PLPPR1: variants seen among roughly 807,000 people sequenced by gnomAD.
PLPPR1 encodes the protein phospholipid phosphatase related 1, also known as phospholipid phosphatase-related protein type 1.
PLPPR1 carries 10 observed loss-of-function variants against 33.1 expected under a neutral mutation model. That is an observed-to-expected ratio of 0.30 (90% CI 0.19 to 0.51). The LOEUF is 0.51. Ranked by LOEUF, PLPPR1 falls within the 20% of genes least tolerant of loss-of-function variation. PLPPR1 has a pLI of 0.97. For synonymous variants in PLPPR1, 151 were observed against 151.0 expected (o/e 1.00, Z 0.00); for missense variants, 304 against 408.1 (o/e 0.74, Z 2.20).
At position 101,272,125 on chromosome 9, in the gene PLPPR1, A is replaced by AT. The variant is rs71356342; in HGVS notation, c.252+2059dup. 5.4e-3 allele frequency among the ~76,000 whole-genome samples: 821 copies of AT among 152,318 alleles called. 8 individuals carry two copies. The highest frequency in any genetic ancestry group is 7.8e-3 in the Non-Finnish European group (529 of 68,026). The stretch of plus-strand genomic sequence containing the variant: ...CAATAAATGCTTACATCTCAATAAA[A>AT]TTGAAAACTCTATGAAGATATTTAC... On this transcript the variant is annotated intron_variant, in intron 3 of 7. Transcript: ENST00000374874.
At chr9:101,038,789 A>C (rs889039851) in intron 1 of PLPPR1, among the ~76,000 whole-genome samples, 1 of 152,090 alleles carries the variant, frequency 6.6e-6, no homozygotes, top group East Asian at 1.9e-4. Context: ...GGCTGCAGAG[A>C]TTGCGTGCCC....
intron 2 of PLPPR1, among the ~76,000 whole-genome samples, chr9:101,269,041 C>T (rs969842819): frequency 1.3e-5 from 2 of 152,138 alleles, no homozygotes; most frequent in African/African-American, 4.8e-5. Context: ...CTTTATTCAC[C>T]ATCTTATCTT....
In PLPPR1 at chr9:101,238,351, G is replaced by GTA. The variant is rs1178770788; in HGVS notation, c.64-31517_64-31516dup. ...TATATACCTCTCTATATATAGAGGT[G>GTA]TATATATATATATGGGTATATATAT... On this transcript the variant is annotated intron_variant, in intron 2 of 7. Transcript: ENST00000374874. Among the ~76,000 whole-genome samples the GTA allele has an allele frequency of 3.2e-3, 428 of 135,308 alleles. 4 individuals are homozygous for GTA. The highest frequency in any genetic ancestry group is 0.01 in the African/African-American group (374 of 36,300). The allele number at this position is 135,308 out of a possible 152,430, so 88.8% of individuals were successfully genotyped here.
Position 101,234,538 on chromosome 9 carries a change from A to G in PLPPR1, c.64-35342A>G, listed in dbSNP as rs10989445. Among the ~76,000 whole-genome samples, 491 of 151,604 alleles carry G rather than the reference A, an allele frequency of 3.2e-3. 12 individuals carry two copies. The East Asian group carries it at 0.079, about 25-fold the overall frequency. Reference sequence around the variant, plus strand: ...GGTTTTACCTTCTCTCCAATCTCCAAGTGTATTTTTTTAAAAAAAAAACAA... The same window carrying G: ...GGTTTTACCTTCTCTCCAATCTCCAGGTGTATTTTTTTAAAAAAAAAACAA... On this transcript the variant is annotated intron_variant, in intron 2 of 7. Transcript: ENST00000374874.
At chr9:101,231,004 G>T (rs1347439999) in intron 2 of PLPPR1, among the ~76,000 whole-genome samples, 1 of 151,904 alleles carries the variant, frequency 6.6e-6, no homozygotes, top group Non-Finnish European at 1.5e-5. Context: ...TTGGCAGGAG[G>T]TTGTTATTCC....
At chr9:101,033,188 T>C (rs1359271707) in intron 1 of PLPPR1, among the ~76,000 whole-genome samples, 1 of 152,100 alleles carries the variant, frequency 6.6e-6, no homozygotes, top group Non-Finnish European at 1.5e-5. Context: ...AAAATGCCAT[T>C]AAGAGATGCC....
chr9:101,240,717 T>A (rs1039262698), intron 2 of PLPPR1, among the ~76,000 whole-genome samples: 3 of 152,044 alleles, frequency 2.0e-5, no homozygotes, highest in Non-Finnish European at 4.4e-5. Flanking sequence ...CAGACGAGGA[T>A]TTCCAATAAA....
chr9:101,154,352 G>T (rs1831644313), intron 1 of PLPPR1, among the ~76,000 whole-genome samples: 1 of 152,076 alleles, frequency 6.6e-6, no homozygotes, highest in East Asian at 1.9e-4. Flanking sequence ...GACTTTTTTT[G>T]GTTGGTAGAC....
chr9:101,061,953 AG>A (rs1180553970), intron 1 of PLPPR1, among the ~76,000 whole-genome samples: 1 of 152,044 alleles, frequency 6.6e-6, no homozygotes, highest in Non-Finnish European at 1.5e-5. Context: ...AGGAGAGATA[AG>A]AATTATCATG....
chr9:101,090,929 A>G (rs950810865), intron 1 of PLPPR1, among the ~76,000 whole-genome samples: 7 of 150,332 alleles, frequency 4.7e-5, no homozygotes, highest in Non-Finnish European at 1.0e-4. Context: ...GTTGTGTGCT[A>G]GGTCCCTTCC....
At chr9:101,317,625 T>A in intron 7 of PLPPR1, 129 bp downstream of exon 7, 1 of 939,896 alleles carries the variant, frequency 1.1e-6, no homozygotes, top group Non-Finnish European at 1.5e-6. Context: ...GTAAAGGCCC[T>A]CACAAAAGGC....
At chr9:101,311,768 GCTCAGGCCA>G in intron 5 of PLPPR1, among the ~76,000 whole-genome samples, 1 of 152,188 alleles carries the variant, frequency 6.6e-6, no homozygotes, top group East Asian at 1.9e-4. Flanking sequence ...ACTTATATGT[GCTCAGGCCA>G]TATACACATA....
chr9:101,275,709 C>A (rs539106765), intron 3 of PLPPR1, among the ~76,000 whole-genome samples: 1 of 152,134 alleles, frequency 6.6e-6, no homozygotes, highest in African/African-American at 2.4e-5. Context: ...TTTATCTCAG[C>A]CCCAGCAGCA....
At position 101,264,757 on chromosome 9, in the gene PLPPR1, ATTGT is replaced by A. The variant is rs566834222; in HGVS notation, c.64-5118_64-5115del. Among the ~76,000 whole-genome samples, 408 of 152,226 alleles carry A rather than the reference ATTGT, an allele frequency of 2.7e-3. 2 individuals are homozygous for A. The highest frequency in any genetic ancestry group is 9.4e-3 in the African/African-American group (392 of 41,532). ...TCTCTGGTTTGTCTGTGCTTGGTTCATTGTTTGTGTTTAGTCACCCCAGATTGCT... is the reference window on the plus strand; with the variant it reads ...TCTCTGGTTTGTCTGTGCTTGGTTCATTGTGTTTAGTCACCCCAGATTGCT... On this transcript the variant is annotated intron_variant, in intron 2 of 7. Transcript: ENST00000374874.
chr9:101,170,646 G>T (rs1014732011), intron 1 of PLPPR1, among the ~76,000 whole-genome samples: 1 of 152,184 alleles, frequency 6.6e-6, no homozygotes, highest in African/African-American at 2.4e-5. Flanking sequence ...CACTGAAAAT[G>T]GCATTTAGGC....
intron 1 of PLPPR1, among the ~76,000 whole-genome samples, chr9:101,157,465 A>C (rs1305791883): frequency 1.3e-5 from 2 of 152,196 alleles, no homozygotes; most frequent in African/African-American, 2.4e-5. Flanking sequence ...AAGAGTCATC[A>C]ATCCTGAATA....
chr9:101,136,185 T>C (rs1831375290), intron 1 of PLPPR1, among the ~76,000 whole-genome samples: 1 of 152,206 alleles, frequency 6.6e-6, no homozygotes, highest in African/African-American at 2.4e-5. Flanking sequence ...TGGGGAATAA[T>C]TATCTCATCT....
intron 1 of PLPPR1, among the ~76,000 whole-genome samples, chr9:101,068,692 C>T (rs142659151): frequency 6.6e-6 from 1 of 151,810 alleles, no homozygotes; most frequent in Non-Finnish European, 1.5e-5. Flanking sequence ...CAAATGTGCT[C>T]AAGACTTACT....
At chr9:101,088,079 T>C (rs1296542226) in intron 1 of PLPPR1, among the ~76,000 whole-genome samples, 1 of 152,190 alleles carries the variant, frequency 6.6e-6, no homozygotes, top group Admixed American at 6.5e-5. Context: ...TAGTTTGGAA[T>C]ATGAAAAGAA....
Sources: allele counts gnomAD v4.1 joint callset (sites outside exome capture counted in the v4.1 genomes callset), GRCh38; gene constraint gnomAD v4.1.1; transcripts MANE v1.5; gene names NCBI Gene and HGNC (gene_info 2026-07-23, HGNC 2026-07-21).